The following TSPAN14 variants were observed in gnomAD, a reference collection of about 807,000 sequenced individuals.
The protein encoded by TSPAN14 is tetraspanin 14, also known as tetraspanin-14.
Under a neutral mutation model 36.6 loss-of-function variants are expected in TSPAN14, and 16 were observed. That is an observed-to-expected ratio of 0.44 (90% confidence interval 0.30 to 0.66). The LOEUF (loss-of-function observed/expected upper bound fraction) is 0.66. TSPAN14 is among the 30% of genes least tolerant of loss of function. The probability of loss-of-function intolerance (pLI) is 0.12; values close to 1 mark genes in which losing one functional copy is unlikely to be tolerated. For missense variants in TSPAN14, 231 were observed against 355.1 expected, an observed-to-expected ratio of 0.65 and a Z score of 2.81; for synonymous variants, 139 against 143.8, an observed-to-expected ratio of 0.97 and a Z score of 0.24.
chr10:80,503,271 G>A (rs1398985148), intron 2 of TSPAN14, among the ~76,000 whole-genome samples: 1 of 152,182 alleles, frequency 6.6e-6, no homozygotes, highest in South Asian at 2.1e-4. Flanking sequence ...GGGGAGGACT[G>A]AGAAGCGGGA....
intron 1 of TSPAN14, among the ~76,000 whole-genome samples, chr10:80,487,045 A>G (rs1263255335): frequency 6.6e-6 from 1 of 152,228 alleles, no homozygotes; most frequent in East Asian, 1.9e-4. Flanking sequence ...AACATAACAT[A>G]GTGAGACTCC....
chr10:80,504,967 A>C (rs978655754), intron 3 of TSPAN14, among the ~76,000 whole-genome samples, 189 bp downstream of exon 3: 2 of 152,100 alleles, frequency 1.3e-5, no homozygotes, highest in Admixed American at 6.5e-5. Flanking sequence ...TGGCTGCTGG[A>C]GGTATGGGCT....
At chr10:80,461,143 C>G (rs183200009) in intron 1 of TSPAN14, among the ~76,000 whole-genome samples, 1 of 152,292 alleles carries the variant, frequency 6.6e-6, no homozygotes, top group African/African-American at 2.4e-5. Flanking sequence ...GCCCTCCTGT[C>G]TACTTGATCA....
chr10:80,479,920 C>T (rs544104799), intron 1 of TSPAN14, among the ~76,000 whole-genome samples: 3,988 of 147,650 alleles, frequency 0.027, 184 homozygotes, highest in African/African-American at 0.097. Context: ...TCTTCCTACC[C>T]ATGAGCATGG....
chr10:80,460,135 G>A (rs1845902658), intron 1 of TSPAN14, among the ~76,000 whole-genome samples: 1 of 152,204 alleles, frequency 6.6e-6, no homozygotes, highest in Non-Finnish European at 1.5e-5. Flanking sequence ...TTGCAGTAGA[G>A]GGGAGAGAGT....
chr10:80,461,382 A>G (rs1365747022), intron 1 of TSPAN14, among the ~76,000 whole-genome samples: 3 of 152,170 alleles, frequency 2.0e-5, no homozygotes, highest in Admixed American at 2.0e-4. Context: ...GTGGTGCCAG[A>G]ACCCTGCTCT....
At chr10:80,513,279 G>A (rs1276871195) in intron 6 of TSPAN14, among the ~76,000 whole-genome samples, 1 of 152,002 alleles carries the variant, frequency 6.6e-6, no homozygotes. Flanking sequence ...GGGGTGAACT[G>A]TGAAGGAGCT....
chr10:80,469,406 A>G (rs540956317), intron 1 of TSPAN14, among the ~76,000 whole-genome samples: 11 of 152,240 alleles, frequency 7.2e-5, no homozygotes, highest in Non-Finnish European at 1.2e-4. Context: ...GTTTTGCAGC[A>G]GAAAACAGTT....
intron 5 of TSPAN14, 130 bp from the exon 6 acceptor site, chr10:80,512,014 G>A: frequency 7.1e-7 from 1 of 1,418,292 alleles, no homozygotes; most frequent in Non-Finnish European, 9.6e-7. Flanking sequence ...GAGGTAGGGG[G>A]CGGGCCTTGA....
intron 1 of TSPAN14, among the ~76,000 whole-genome samples, chr10:80,475,570 T>C (rs1040013488): frequency 2.0e-5 from 3 of 152,262 alleles, no homozygotes; most frequent in Admixed American, 2.0e-4. Context: ...TGATGTTCTT[T>C]TTCTGCCCCC....
chr10:80,519,883 G>C (rs967343947), exon 9 of TSPAN14: 2 of 151,338 alleles, frequency 1.3e-5, no homozygotes, highest in African/African-American at 4.9e-5. Flanking sequence ...GTTGGCTTGT[G>C]GTTTATCCCC....
intron 1 of TSPAN14, among the ~76,000 whole-genome samples, chr10:80,482,412 G>A (rs999835330): frequency 5.3e-5 from 8 of 150,990 alleles, no homozygotes; most frequent in African/African-American, 1.7e-4. Flanking sequence ...TCAACCTCCC[G>A]AGTAGCTGGG....
chr10:80,510,882 G>A (rs1168873643), intron 5 of TSPAN14, among the ~76,000 whole-genome samples: 1 of 152,026 alleles, frequency 6.6e-6, no homozygotes, highest in Non-Finnish European at 1.5e-5. Context: ...TCAAAAAAAA[G>A]ATAAAATAAA....
At chr10:80,494,019 A>G (rs1048641997) in intron 2 of TSPAN14, among the ~76,000 whole-genome samples, 12 of 152,238 alleles carry the variant, frequency 7.9e-5, no homozygotes, top group Admixed American at 7.9e-4. Context: ...GGTTGGATGA[A>G]GTCCTTGCCT....
chr10:80,476,277 G>A (rs1168218258), intron 1 of TSPAN14, among the ~76,000 whole-genome samples: 1 of 152,104 alleles, frequency 6.6e-6, no homozygotes, highest in Non-Finnish European at 1.5e-5. Flanking sequence ...AGAGGCTGAG[G>A]CAGGATTGCT....
intron 8 of TSPAN14, 96 bp from the exon 9 acceptor site, chr10:80,517,809 G>C: frequency 8.5e-7 from 1 of 1,177,522 alleles, no homozygotes; most frequent in Non-Finnish European, 1.2e-6. Context: ...GGTGAGGAGA[G>C]GCGTGCAGTG....
chr10:80,520,554 G>T (rs879174396), exon 9 of TSPAN14: 3 of 512,868 alleles, frequency 5.8e-6, no homozygotes, highest in Admixed American at 4.0e-5. Flanking sequence ...TAACTTTAAA[G>T]CCTTGGGGTC....
Position 80,478,009 on chromosome 10 carries a change from A to G in TSPAN14, c.-17-11208A>G, listed in dbSNP as rs74143142. On this transcript the variant is annotated intron_variant, in intron 1 of 8. Coordinates refer to ENST00000429989, the Ensembl canonical transcript of TSPAN14. The stretch of plus-strand genomic sequence containing the variant: ...AGCCGCCCAAGGACTCAGAGCTTCC[A>G]GCTGGTTCCTGAGTCATTCACTCTT... Among the ~76,000 whole-genome samples, 1,260 of 152,364 alleles carry G rather than the reference A, an allele frequency of 8.3e-3. 15 individuals carry two copies. The highest frequency in any genetic ancestry group is 0.029 in the African/African-American group (1,203 of 41,594).
chr10:80,474,449 T>C (rs1298456439), intron 1 of TSPAN14, among the ~76,000 whole-genome samples: 1 of 149,122 alleles, frequency 6.7e-6, no homozygotes, highest in Non-Finnish European at 1.5e-5. Flanking sequence ...ACCTGTGCCC[T>C]CAGGACGGGA....
Sources: allele counts gnomAD v4.1 joint callset (sites outside exome capture counted in the v4.1 genomes callset), GRCh38; gene constraint gnomAD v4.1.1; transcripts MANE v1.5; gene names NCBI Gene and HGNC (gene_info 2026-07-23, HGNC 2026-07-21).